GPC1: variants seen among roughly 807,000 people sequenced by gnomAD.
GPC1 encodes glypican 1.
GPC1 carries 26 observed loss-of-function variants against 51.5 expected under a neutral mutation model. The observed-to-expected ratio is 0.50, with a 90% CI of 0.37 to 0.70. The LOEUF (loss-of-function observed/expected upper bound fraction) is 0.70. Among genes scored for constraint, GPC1 ranks in the 30% least tolerant of loss-of-function variants. GPC1 has a pLI of 0.00. For synonymous variants in GPC1, 380 were observed against 348.3 expected (o/e 1.09, Z -1.01); for missense variants, 775 against 800.5 (o/e 0.97, Z 0.38).
At chr2:240,449,760 A>C (rs968053311) in intron 1 of GPC1, 2 of 454,202 alleles carry the variant, frequency 4.4e-6, no homozygotes, top group African/African-American at 4.0e-5. Flanking sequence ...AGTCTCTATG[A>C]ATCCGACTCC....
intron 1 of GPC1, among the ~76,000 whole-genome samples, chr2:240,436,904 G>A (rs983598487): frequency 1.3e-5 from 2 of 152,382 alleles, no homozygotes; most frequent in African/African-American, 4.8e-5. Flanking sequence ...GCCGCCTGCG[G>A]CTCTGCCTCT....
At chr2:240,453,321 G>T (rs1411641658) in intron 1 of GPC1, among the ~76,000 whole-genome samples, 5 of 26,254 alleles carry the variant, frequency 1.9e-4, no homozygotes, top group Non-Finnish European at 2.8e-4. Flanking sequence ...CCCACCGCCC[G>T]CCCCGCTCCC....
At chr2:240,453,941 C>T (rs2074131125) in intron 1 of GPC1, among the ~76,000 whole-genome samples, 2 of 152,160 alleles carry the variant, frequency 1.3e-5, no homozygotes, top group South Asian at 2.1e-4. Flanking sequence ...GGGCGCGGAC[C>T]CTCCCACCCG....
At chr2:240,464,335 C>A (rs955189152) in intron 4 of GPC1, 6 of 451,108 alleles carry the variant, frequency 1.3e-5, no homozygotes, top group Admixed American at 1.0e-4. Context: ...CGTGGACATA[C>A]GAGACACGGC....
At chr2:240,436,869 C>T (rs1574752775) in intron 1 of GPC1, among the ~76,000 whole-genome samples, 1 of 152,376 alleles carries the variant, frequency 6.6e-6, no homozygotes, top group East Asian at 1.9e-4. Flanking sequence ...AACAGCGGCC[C>T]TCTTGGCGCC....
At chr2:240,436,280 T>G (rs1396801094) in intron 1 of GPC1, among the ~76,000 whole-genome samples, 196 bp downstream of exon 1, 1 of 151,846 alleles carries the variant, frequency 6.6e-6, no homozygotes, top group Non-Finnish European at 1.5e-5. Flanking sequence ...CGCGCCGCAC[T>G]CCCTCGCCAG....
rs556805311 is a variant in GPC1 at position 240,466,541 on chromosome 2, C to T, written c.*251C>T. 1 of 517,536 alleles carries T rather than the reference C, an allele frequency of 1.9e-6. No homozygotes were observed. Among genetic ancestry groups the T allele is most frequent in the East Asian group, 3.1e-5 (1 of 31,932 alleles). 32.1% of individuals were successfully genotyped at this position (517,536 alleles called of 1,614,324 possible). A position where few individuals can be genotyped will look rare whatever the true frequency, so the allele number is the denominator to read the frequency against. On this transcript the variant is annotated 3_prime_UTR_variant, in exon 9 of 9. Transcript: ENST00000264039. ...CCCAAAAGCCATGTATTTCAGGGAC[C>T]TCAGGGGCACCTCCGGCTGCCTAGC...
Position 240,447,542 on chromosome 2 carries a change from G to A in GPC1, c.166+11458G>A, listed in dbSNP as rs148563040. On this transcript the variant is annotated intron_variant, in intron 1 of 8. Coordinates refer to ENST00000264039, the MANE Select transcript of GPC1 (RefSeq NM_002081.3). ...GGAGGCGGCCTGCCGGGCCTCTGGG[G>A]AAAGCCACACCCTTGGCCGAGGGCT... is the stretch of plus-strand genomic sequence containing the variant. Among the ~76,000 whole-genome samples the A allele has an allele frequency of 3.7e-3, 570 of 152,366 alleles. 1 individual carries two copies. The highest frequency in any genetic ancestry group is 0.013 in the African/African-American group (547 of 41,594).
intron 1 of GPC1, among the ~76,000 whole-genome samples, chr2:240,437,709 G>A (rs2073992863): frequency 6.6e-6 from 1 of 152,122 alleles, no homozygotes; most frequent in Non-Finnish European, 1.5e-5. Context: ...CAGGCACCAG[G>A]GTAGCAGAGT....
chr2:240,465,916 G>A (rs1244891432), intron 8 of GPC1, 142 bp from the exon 9 acceptor site: 4 of 635,778 alleles, frequency 6.3e-6, no homozygotes, highest in Non-Finnish European at 1.1e-5. Flanking sequence ...AGCCTCAGGG[G>A]TCAGCGGGGA....
chr2:240,446,985 G>A (rs961711865), intron 1 of GPC1, among the ~76,000 whole-genome samples: 1 of 152,136 alleles, frequency 6.6e-6, no homozygotes, highest in Non-Finnish European at 1.5e-5. Flanking sequence ...GGGGGATAAG[G>A]GGTGTCCATC....
intron 8 of GPC1, 83 bp downstream of exon 8, chr2:240,465,731 C>A: frequency 2.5e-6 from 3 of 1,185,274 alleles, no homozygotes; most frequent in Middle Eastern, 2.3e-4. Context: ...CCGGGTTCCC[C>A]CACCCGAGGG....
chr2:240,451,577 C>T (rs1216926603), intron 1 of GPC1: 8 of 275,172 alleles, frequency 2.9e-5, no homozygotes, highest in African/African-American at 1.4e-4. Flanking sequence ...CCTGGGGGCA[C>T]GGCCTCTGGG....
chr2:240,465,062 A>T lies in GPC1; in HGVS notation c.1135-15A>T, dbSNP rs760966427. 6.3e-7 allele frequency: 1 copy of T among 1,595,600 alleles called. No individual in the cohort carries two copies. ...CGGGCCCTGGCAGCCCAGTGGCCTGACTGCTGCCCCACAGGTCTCCGAAGC... is the reference window on the plus strand; with the variant it reads ...CGGGCCCTGGCAGCCCAGTGGCCTGTCTGCTGCCCCACAGGTCTCCGAAGC... On this transcript the variant is annotated splice_polypyrimidine_tract_variant and intron_variant, in intron 6 of 8. Transcript: ENST00000264039.
At chr2:240,444,284 C>T (rs947083187) in intron 1 of GPC1, among the ~76,000 whole-genome samples, 4 of 152,182 alleles carry the variant, frequency 2.6e-5, no homozygotes, top group Admixed American at 1.3e-4. Context: ...GTGAGCTGGG[C>T]GGGCCAGGAA....
At position 240,467,790 on chromosome 2, in the gene GPC1, A is replaced by T. The variant is rs2074278198; in HGVS notation, c.*1500A>T. ...GGATCAGGAGCCCCCAACACAGGCA[A>T]GTCCACCCCATAATAACCCTGCCAG... On this transcript the variant is annotated 3_prime_UTR_variant, in exon 9 of 9. Coordinates refer to ENST00000264039, the MANE Select transcript of GPC1 (RefSeq NM_002081.3). The T allele has an allele frequency of 6.6e-6, 1 of 152,218 alleles. No individual in the cohort carries two copies. Among genetic ancestry groups the T allele is most frequent in the Non-Finnish European group, 1.5e-5 (1 of 68,048 alleles). The allele number at this position is 152,218 out of a possible 1,614,324, so 9.4% of individuals were successfully genotyped here. A position where few individuals can be genotyped will look rare whatever the true frequency, so the allele number is the denominator to read the frequency against.
intron 1 of GPC1, among the ~76,000 whole-genome samples, chr2:240,442,659 A>G (rs1048008010): frequency 6.6e-6 from 1 of 152,188 alleles, no homozygotes; most frequent in Admixed American, 6.5e-5. Context: ...TCCACACCCA[A>G]AGTCACATCC....
Position 240,466,456 on chromosome 2 carries a change from G to A in GPC1, c.*166G>A, listed in dbSNP as rs62187180. On this transcript the variant is annotated 3_prime_UTR_variant, in exon 9 of 9. Transcript: ENST00000264039. ...AGGTCCCAGCCCCAGGCCTGGCCTC[G>A]CCTGCCTTTCTGCCTTTTAATTTTG... 29,269 of 583,536 alleles carry A rather than the reference G, an allele frequency of 0.05. 977 individuals are homozygous for A. The highest frequency in any genetic ancestry group is 0.064 in the Non-Finnish European group (20,947 of 326,440). 36.1% of individuals were successfully genotyped at this position (583,536 alleles called of 1,614,324 possible).
At chr2:240,452,947 G>T in intron 1 of GPC1, 1 of 315,982 alleles carries the variant, frequency 3.2e-6, no homozygotes, top group Non-Finnish European at 6.3e-6. Context: ...CCGCTCCGCC[G>T]CCTTTCCCCG....
Sources: gnomAD v4.1 joint callset for allele counts (sites outside exome capture counted in the v4.1 genomes callset) on GRCh38, gnomAD v4.1.1 for gene constraint, MANE v1.5 for transcripts, NCBI Gene and HGNC (gene_info 2026-07-23, HGNC 2026-07-21) for gene names.